A1CF: variants seen among roughly 807,000 people sequenced by gnomAD.
A1CF encodes APOBEC1 complementation factor.
A1CF carries 48 observed loss-of-function variants against 68.9 expected under a neutral mutation model. That is an observed-to-expected ratio of 0.70 (90% confidence interval 0.55 to 0.89). The LOEUF (loss-of-function observed/expected upper bound fraction) is 0.89. Among genes scored for constraint, A1CF ranks in the 40% least tolerant of loss-of-function variants. A1CF has a pLI of 0.00. For synonymous variants in A1CF, 272 were observed against 260.4 expected, an observed-to-expected ratio of 1.04 and a Z score of -0.43; for missense variants, 653 against 718.9, an observed-to-expected ratio of 0.91 and a Z score of 1.05.
intron 1 of A1CF, among the ~76,000 whole-genome samples, chr10:50,881,568 T>C (rs1279597498): frequency 2.6e-5 from 4 of 152,242 alleles, no homozygotes; most frequent in African/African-American, 9.6e-5. Context: ...AAATAAGATA[T>C]TGTAGTTAGT....
In A1CF at chr10:50,803,991, G is replaced by A. The variant is rs1489921088; in HGVS notation, c.*2738C>T. The A allele has an allele frequency of 6.6e-6, 1 of 152,202 alleles. No individual in the cohort carries two copies. Among genetic ancestry groups the A allele is most frequent in the South Asian group, 2.1e-4 (1 of 4,822 alleles). 9.4% of individuals were successfully genotyped at this position (152,202 alleles called of 1,614,324 possible). A position where few individuals can be genotyped will look rare whatever the true frequency, so the allele number is the denominator to read the frequency against. On this transcript the variant is annotated 3_prime_UTR_variant, in exon 13 of 13. Coordinates refer to ENST00000373997, the MANE Select transcript of A1CF (RefSeq NM_014576.4). ...TTGTCTTAATAATTTTAAACTTATG[G>A]TAGCAGGACTTGCTCTATCTACCTA... is the stretch of plus-strand genomic sequence containing the variant.
intron 6 of A1CF, among the ~76,000 whole-genome samples, chr10:50,829,795 T>G (rs1839152671): frequency 1.3e-5 from 2 of 152,192 alleles, no homozygotes; most frequent in South Asian, 4.1e-4. Context: ...GGCTCCATAT[T>G]GGGTGAGGTT....
intron 8 of A1CF, among the ~76,000 whole-genome samples, chr10:50,818,458 TA>T (rs1838477267): frequency 6.6e-6 from 1 of 151,922 alleles, no homozygotes; most frequent in Non-Finnish European, 1.5e-5. Flanking sequence ...ATAATTACTC[TA>T]AAAATATCTA....
chr10:50,864,420 T>G (rs975232846), intron 1 of A1CF, among the ~76,000 whole-genome samples: 69 of 152,258 alleles, frequency 4.5e-4, no homozygotes, highest in African/African-American at 1.4e-3. Context: ...CCCTTCTCCT[T>G]TATATCCCTT....
rs368087131 is a variant in A1CF at position 50,813,813 on chromosome 10, T to C, written c.1323+44A>G. On this transcript the variant is annotated intron_variant, in intron 10 of 12. Coordinates refer to ENST00000373997, the MANE Select transcript of A1CF (RefSeq NM_014576.4). ...ATTTGATAAAAGTGAATGATGCTCA[T>C]TGGCACAACTTAAAGAAACTATTTC... 440 of 1,586,862 alleles carry C rather than the reference T, an allele frequency of 2.8e-4. 2 individuals are homozygous for C. The highest frequency in any genetic ancestry group is 1.0e-4 in the Admixed American group (6 of 59,856).
intron 7 of A1CF, among the ~76,000 whole-genome samples, chr10:50,824,750 C>T (rs1254970336): frequency 6.6e-6 from 1 of 152,174 alleles, no homozygotes; most frequent in Non-Finnish European, 1.5e-5. Flanking sequence ...TGCCCTTTAC[C>T]AGACCTGAGT....
intron 1 of A1CF, among the ~76,000 whole-genome samples, chr10:50,877,739 T>G (rs1359355919): frequency 6.6e-6 from 1 of 152,250 alleles, no homozygotes; most frequent in African/African-American, 2.4e-5. Context: ...TCTCTTTTAC[T>G]TCCTCTGATA....
chr10:50,823,552 C>T (rs1240145087), intron 7 of A1CF: 1 of 152,166 alleles, frequency 6.6e-6, no homozygotes, highest in Non-Finnish European at 1.5e-5. Flanking sequence ...GTGCCCTGAC[C>T]AGCAGAATCC....
chr10:50,820,389 A>G (rs1298819524), intron 8 of A1CF, among the ~76,000 whole-genome samples, 163 bp downstream of exon 8: 2 of 152,214 alleles, frequency 1.3e-5, no homozygotes, highest in African/African-American at 4.8e-5. Context: ...TCCAACTTCC[A>G]TTGTATTTTC....
Position 50,811,134 on chromosome 10 carries a change from C to T in A1CF, c.1366G>A (p.Val456Met), listed in dbSNP as rs895092169. The change falls in exon 11 of 13, where the codon GTG (valine) becomes ATG (methionine). Residue 456 changes from valine to methionine, a missense_variant. Coordinates refer to ENST00000373997, the MANE Select transcript of A1CF (RefSeq NM_014576.4). Reference protein sequence around the residue: ...ICQKNNWGQPVYQLHSAIGQD... With the variant: ...ICQKNNWGQPMYQLHSAIGQD... ...CCAATAGCAGAGTGCAGCTGGTACA[C>T]TGGCTGTCCCCAGTTATTTTTCTGA... 1 of 1,613,194 alleles carries T rather than the reference C, an allele frequency of 6.2e-7. No homozygotes were observed. Among genetic ancestry groups the T allele is most frequent in the Non-Finnish European group, 8.5e-7 (1 of 1,179,530 alleles).
intron 1 of A1CF, among the ~76,000 whole-genome samples, chr10:50,872,897 A>C (rs568883059): frequency 6.6e-6 from 1 of 150,602 alleles, no homozygotes; most frequent in South Asian, 2.1e-4. Context: ...ATCATTTGGC[A>C]AGATCTGGCT....
intron 8 of A1CF, 136 bp from the exon 9 acceptor site, chr10:50,816,415 T>C: frequency 9.2e-7 from 1 of 1,082,640 alleles, no homozygotes; most frequent in Non-Finnish European, 1.3e-6. Flanking sequence ...TGTCATTTTA[T>C]AGGTTTGTTT....
chr10:50,810,846 G>A (rs1455277030), intron 11 of A1CF, among the ~76,000 whole-genome samples, 194 bp downstream of exon 11: 1 of 152,192 alleles, frequency 6.6e-6, no homozygotes, highest in Non-Finnish European at 1.5e-5. Flanking sequence ...CCTTCATTGT[G>A]TATATGAAAT....
intron 11 of A1CF, among the ~76,000 whole-genome samples, 176 bp downstream of exon 11, chr10:50,810,864 C>A (rs1027328035): frequency 3.3e-5 from 5 of 152,098 alleles, no homozygotes; most frequent in Non-Finnish European, 5.9e-5. Context: ...AATTTGGGGG[C>A]CTTTATATGC....
intron 6 of A1CF, among the ~76,000 whole-genome samples, chr10:50,829,567 G>C (rs1839140036): frequency 6.6e-6 from 1 of 152,162 alleles, no homozygotes; most frequent in Admixed American, 6.6e-5. Context: ...ATGAAGAATA[G>C]GCATGTCTTA....
chr10:50,847,354 C>A lies in A1CF; in HGVS notation c.100-3232G>T, dbSNP rs376797843. Among the ~76,000 whole-genome samples, 53 of 152,240 alleles carry A rather than the reference C, an allele frequency of 3.5e-4. 2 individuals carry two copies. In the South Asian group the frequency reaches 1.0e-2, roughly 29 times the overall value. The stretch of plus-strand genomic sequence containing the variant: ...ACAATTCTAACTATAAATCCAGTGG[C>A]TTTAATTTACATATTGGATGCTGAG... On this transcript the variant is annotated intron_variant, in intron 3 of 12. Coordinates refer to ENST00000373997, the MANE Select transcript of A1CF (RefSeq NM_014576.4).
rs1451900222 is a variant in A1CF at position 50,803,568 on chromosome 10, T to G, written c.*3161A>C. The stretch of plus-strand genomic sequence containing the variant: ...GTTGAAGGTGCTGTTCTAGATATAC[T>G]AATGCAGTGGGAGAGAAATAAAGCA... On this transcript the variant is annotated 3_prime_UTR_variant, in exon 13 of 13. Transcript: ENST00000373997. The G allele has an allele frequency of 6.6e-6, 1 of 152,206 alleles. No individual in the cohort carries two copies. Among genetic ancestry groups the G allele is most frequent in the Non-Finnish European group, 1.5e-5 (1 of 68,036 alleles). 9.4% of individuals were successfully genotyped at this position (152,206 alleles called of 1,614,324 possible).
intron 3 of A1CF, among the ~76,000 whole-genome samples, chr10:50,854,125 C>G (rs1840373586): frequency 6.6e-6 from 1 of 151,260 alleles, no homozygotes; most frequent in South Asian, 2.1e-4. Context: ...TCTTTTCTAC[C>G]TTATGAGATT....
rs959270875 is a variant in A1CF, at chr10:50,803,743, C to A, written c.*2986G>T. 6.6e-6 allele frequency: 1 copy of A among 152,160 alleles called. No individual in the cohort carries two copies. The highest frequency in any genetic ancestry group is 2.4e-5 in the African/African-American group (1 of 41,444). 9.4% of individuals were successfully genotyped at this position (152,160 alleles called of 1,614,324 possible). ...AATTTAGAGAACTAATTCAAATTTA[C>A]TGGATGTTCCTAAATTATTGTTTTG... On this transcript the variant is annotated 3_prime_UTR_variant, in exon 13 of 13. Coordinates refer to ENST00000373997, the MANE Select transcript of A1CF (RefSeq NM_014576.4).
Sources: allele counts gnomAD v4.1 joint callset (sites outside exome capture counted in the v4.1 genomes callset), GRCh38; gene constraint gnomAD v4.1.1; transcripts MANE v1.5; gene names NCBI Gene and HGNC (gene_info 2026-07-23, HGNC 2026-07-21).